LINGO2: variants seen among roughly 807,000 people sequenced by gnomAD.
LINGO2 encodes leucine-rich repeat and immunoglobulin-like domain-containing nogo receptor-interacting protein 2.
In LINGO2, 14 loss-of-function variants were observed where a neutral mutation model predicts 30.6. The ratio of observed to expected loss-of-function variants is 0.46; its 90% CI spans 0.30 to 0.72. The LOEUF is 0.72. Ranked by LOEUF, LINGO2 falls within the 30% of genes least tolerant of loss-of-function variation. LINGO2 has a pLI of 0.07. For synonymous variants in LINGO2, 317 were observed against 288.5 expected (o/e 1.10, Z -1.00); for missense variants, 729 against 751.7 (o/e 0.97, Z 0.35).
chr9:28,866,047 A>G, the LINGO2 span, among the ~76,000 whole-genome samples: 1 of 152,166 alleles, frequency 6.6e-6, no homozygotes, highest in Non-Finnish European at 1.5e-5. Context: ...TCTGAATGCA[A>G]GAAAACTTCA....
At chr9:29,031,788 C>A in the LINGO2 span, among the ~76,000 whole-genome samples, 8 of 152,086 alleles carry the variant, frequency 5.3e-5, no homozygotes, top group Non-Finnish European at 1.2e-4. Flanking sequence ...AAGTGATAAA[C>A]CACTGTGTCA....
intron 1 of LINGO2, among the ~76,000 whole-genome samples, chr9:28,542,237 A>C: frequency 6.6e-6 from 1 of 151,512 alleles, no homozygotes; most frequent in East Asian, 1.9e-4. Context: ...GGTAAGAGGT[A>C]CAGCAAGTCT....
the LINGO2 span, among the ~76,000 whole-genome samples, chr9:28,769,497 TATATATATATATATATA>T: frequency 9.4e-5 from 1 of 10,630 alleles, no homozygotes; most frequent in Non-Finnish European, 1.4e-4. Context: ...TATATATATA[TATATATATATATATATA>T]TATATTTTTT....
At chr9:28,994,561 G>C in the LINGO2 span, among the ~76,000 whole-genome samples, 7 of 149,248 alleles carry the variant, frequency 4.7e-5, no homozygotes, top group African/African-American at 1.7e-4. Flanking sequence ...GCATCGCCAA[G>C]TCAATCCTAA....
the LINGO2 span, among the ~76,000 whole-genome samples, chr9:29,115,194 C>G: frequency 5.3e-5 from 8 of 152,058 alleles, no homozygotes; most frequent in African/African-American, 1.9e-4. Context: ...TGAGAAAATA[C>G]AAGCAAAGTA....
At chr9:28,942,177 C>A in the LINGO2 span, among the ~76,000 whole-genome samples, 6 of 152,074 alleles carry the variant, frequency 3.9e-5, no homozygotes, top group East Asian at 1.2e-3. Context: ...AATTGGCAGA[C>A]CATAATTGGA....
chr9:28,830,543 T>A, the LINGO2 span, among the ~76,000 whole-genome samples: 1 of 152,072 alleles, frequency 6.6e-6, no homozygotes, highest in Non-Finnish European at 1.5e-5. Context: ...ATATGAAGAT[T>A]AAAAGCAGGA....
At chr9:28,876,102 T>C in the LINGO2 span, among the ~76,000 whole-genome samples, 1 of 152,144 alleles carries the variant, frequency 6.6e-6, no homozygotes, top group Non-Finnish European at 1.5e-5. Context: ...TGGACTAATA[T>C]GGCAGTAGTC....
intron 5 of LINGO2, among the ~76,000 whole-genome samples, chr9:27,983,738 T>C (rs1476986970): frequency 1.3e-5 from 2 of 151,886 alleles, no homozygotes; most frequent in Non-Finnish European, 2.9e-5. Context: ...TCCAATTTGG[T>C]ACTTTCCCTG....
intron 4 of LINGO2, among the ~76,000 whole-genome samples, chr9:28,118,930 G>A (rs1827013343): frequency 6.6e-6 from 1 of 152,100 alleles, no homozygotes; most frequent in South Asian, 2.1e-4. Flanking sequence ...TATAGAAGTT[G>A]ATGCTACATA....
intron 5 of LINGO2, among the ~76,000 whole-genome samples, chr9:27,969,718 A>C (rs1820265502): frequency 6.6e-6 from 1 of 152,072 alleles, no homozygotes; most frequent in Non-Finnish European, 1.5e-5. Flanking sequence ...ACAAACAAAC[A>C]AACAAACACA....
intron 2 of LINGO2, among the ~76,000 whole-genome samples, chr9:28,378,870 G>A (rs1343790668): frequency 6.6e-6 from 1 of 152,086 alleles, no homozygotes; most frequent in Non-Finnish European, 1.5e-5. Context: ...ATATTCATGA[G>A]TTCAGGGAAG....
At chr9:28,553,258 T>C (rs1167238621) in intron 1 of LINGO2, among the ~76,000 whole-genome samples, 1 of 151,922 alleles carries the variant, frequency 6.6e-6, no homozygotes, top group Non-Finnish European at 1.5e-5. Flanking sequence ...GAAAAAAATG[T>C]AGAAGAATGT....
the LINGO2 span, among the ~76,000 whole-genome samples, chr9:28,780,829 AATGTGTGTGTGTGTGT>A: frequency 3.0e-5 from 3 of 99,328 alleles, no homozygotes; most frequent in African/African-American, 1.4e-4. Flanking sequence ...TCTTGGTAGT[AATGTGTGTGTGTGTGT>A]GTGTGTGTGT....
At chr9:29,213,403 C>G in the LINGO2 span, among the ~76,000 whole-genome samples, 1 of 152,182 alleles carries the variant, frequency 6.6e-6, no homozygotes, top group African/African-American at 2.4e-5. Flanking sequence ...TTCGGAACAC[C>G]GTCTCCCTGG....
chr9:29,042,387 T>C, the LINGO2 span, among the ~76,000 whole-genome samples: 31 of 152,072 alleles, frequency 2.0e-4, 1 homozygote, highest in East Asian at 4.6e-3. Flanking sequence ...CAAAAACCTG[T>C]ATATGAATGT....
chr9:28,815,799 T>G, the LINGO2 span, among the ~76,000 whole-genome samples: 12 of 152,204 alleles, frequency 7.9e-5, no homozygotes, highest in Admixed American at 7.2e-4. Context: ...TTAAAATGCT[T>G]CTTACATGGG....
chr9:29,112,494 A>T, the LINGO2 span, among the ~76,000 whole-genome samples: 1 of 152,208 alleles, frequency 6.6e-6, no homozygotes, highest in Non-Finnish European at 1.5e-5. Context: ...TCCTGGCTCC[A>T]GCTGTTGGAT....
the LINGO2 span, among the ~76,000 whole-genome samples, chr9:29,167,642 A>G: frequency 6.6e-6 from 1 of 152,154 alleles, no homozygotes; most frequent in Non-Finnish European, 1.5e-5. Flanking sequence ...AAACCTGTCA[A>G]TATCTTAAAG....
Sources: gnomAD v4.1 joint callset for allele counts (sites outside exome capture counted in the v4.1 genomes callset) on GRCh38, gnomAD v4.1.1 for gene constraint, MANE v1.5 for transcripts, NCBI Gene and HGNC (gene_info 2026-07-23, HGNC 2026-07-21) for gene names.